CDH23: variants seen among roughly 807,000 people sequenced by gnomAD.
CDH23 encodes the protein cadherin related 23, also known as cadherin-23.
In CDH23, 189 loss-of-function variants were observed where a neutral mutation model predicts 317.1. The ratio of observed to expected loss-of-function variants is 0.60; its 90% CI spans 0.53 to 0.67. The LOEUF is 0.67. Ranked by LOEUF, CDH23 falls within the 30% of genes least tolerant of loss-of-function variation. The pLI, the probability that CDH23 is intolerant of heterozygous loss-of-function variation, is 0.00. For missense variants in CDH23, 4,401 were observed against 4,592.4 expected (o/e 0.96, Z 1.20); for synonymous variants, 1,839 against 1,876.8 (o/e 0.98, Z 0.52).
At position 71,812,754 on chromosome 10, in the gene CDH23, T is replaced by A; in HGVS notation, c.9511-14T>A. 1.2e-6 allele frequency: 2 copies of A among 1,612,996 alleles called. No homozygotes were observed. Among genetic ancestry groups the A allele is most frequent in the Non-Finnish European group, 1.7e-6 (2 of 1,179,478 alleles). On this transcript the variant is annotated splice_polypyrimidine_tract_variant and intron_variant, in intron 67 of 69. Transcript: ENST00000224721. Reference sequence around the variant, plus strand: ...GGGTCTGCCTCTGCTCCAGCTAACATCCCCTCTCCCCAGGGAACTTTTGGG... The same window carrying A: ...GGGTCTGCCTCTGCTCCAGCTAACAACCCCTCTCCCCAGGGAACTTTTGGG...
At chr10:71,430,535 A>C (rs533747138) in intron 1 of CDH23, among the ~76,000 whole-genome samples, 2 of 152,330 alleles carry the variant, frequency 1.3e-5, no homozygotes, top group Admixed American at 1.3e-4. Flanking sequence ...TAGGCCGGGC[A>C]CAGTGGCTCA....
chr10:71,593,530 T>C (rs1288422813), intron 9 of CDH23, among the ~76,000 whole-genome samples: 1 of 152,078 alleles, frequency 6.6e-6, no homozygotes. Flanking sequence ...GCAAATGATA[T>C]ATGGGGAAAT....
At chr10:71,710,130 C>T (rs147121327) in intron 27 of CDH23, among the ~76,000 whole-genome samples, 291 of 152,306 alleles carry the variant, frequency 1.9e-3, no homozygotes, top group Non-Finnish European at 3.4e-3. Flanking sequence ...TGGGTGGGGA[C>T]GCAAAGCCAA....
At chr10:71,730,092 C>T (rs1175895894) in intron 30 of CDH23, among the ~76,000 whole-genome samples, 1 of 152,192 alleles carries the variant, frequency 6.6e-6, no homozygotes, top group African/African-American at 2.4e-5. Context: ...CCTCGGCCTC[C>T]CAAAGTGCTG....
chr10:71,482,959 G>C (rs1259816053), intron 3 of CDH23, among the ~76,000 whole-genome samples: 7 of 152,216 alleles, frequency 4.6e-5, no homozygotes, highest in African/African-American at 1.7e-4. Context: ...TAAATCTCCA[G>C]CAGGAATTGA....
rs373709237 is a variant in CDH23 at position 71,809,974 on chromosome 10, C to A, written c.8877C>A (p.Ile2959=). Residue 2959 remains isoleucine (I), a synonymous_variant, in exon 61 of 70, where the codon ATC becomes ATA. Coordinates refer to ENST00000224721, the MANE Select transcript of CDH23 (RefSeq NM_022124.6). ...TGAGGGACGACCAGCGCGTCAAGAT[C>A]GTCATTAACGAGATCCCCGACCGTG... is the stretch of plus-strand genomic sequence containing the variant. ...YILRDDQRVK[I]VINEIPDRVR... 1 of 1,612,216 alleles carries A rather than the reference C, an allele frequency of 6.2e-7. No homozygotes were observed. Among genetic ancestry groups the A allele is most frequent in the Non-Finnish European group, 8.5e-7 (1 of 1,179,880 alleles).
chr10:71,407,495 G>A (rs1263782508), intron 1 of CDH23, among the ~76,000 whole-genome samples: 1 of 152,172 alleles, frequency 6.6e-6, no homozygotes, highest in African/African-American at 2.4e-5. Flanking sequence ...ATCTGGGAAG[G>A]CCATGTATGT....
At chr10:71,600,978 A>G (rs1384820867) in intron 9 of CDH23, among the ~76,000 whole-genome samples, 1 of 152,106 alleles carries the variant, frequency 6.6e-6, no homozygotes, top group Admixed American at 6.5e-5. Context: ...ACTCACTCGA[A>G]CCCAAGATGT....
chr10:71,759,898 CAT>C lies in CDH23; in HGVS notation c.4846-17776_4846-17775del, dbSNP rs1365274288. Among the ~76,000 whole-genome samples the C allele has an allele frequency of 1.4e-4, 7 of 50,722 alleles. 1 individual carries two copies. Among genetic ancestry groups the C allele is most frequent in the East Asian group, 1.3e-3 (2 of 1,490 alleles). The allele number at this position is 50,722 out of a possible 152,430, so 33.3% of individuals were successfully genotyped here. A position where few individuals can be genotyped will look rare whatever the true frequency, so the allele number is the denominator to read the frequency against. On this transcript the variant is annotated intron_variant, in intron 38 of 69. Transcript: ENST00000224721. ...ACACACACACACATATACACACACA[CAT>C]ATATACACACACACATATATACACA...
chr10:71,741,143 T>C (rs1412263632), intron 37 of CDH23, among the ~76,000 whole-genome samples, 193 bp downstream of exon 37: 5 of 151,962 alleles, frequency 3.3e-5, no homozygotes, highest in Admixed American at 3.3e-4. Flanking sequence ...CTTTTTGGAG[T>C]AGAGGAGAAG....
chr10:71,728,900 T>A (rs1866933162), intron 30 of CDH23, among the ~76,000 whole-genome samples: 1 of 152,146 alleles, frequency 6.6e-6, no homozygotes, highest in Non-Finnish European at 1.5e-5. Context: ...CTCATTATGT[T>A]GCCCAGGCTG....
intron 3 of CDH23, among the ~76,000 whole-genome samples, chr10:71,455,404 G>A (rs994892339): frequency 1.3e-5 from 2 of 151,818 alleles, no homozygotes; most frequent in Non-Finnish European, 2.9e-5. Context: ...TTTAAGCTGT[G>A]GAACTGTTTG....
intron 14 of CDH23, among the ~76,000 whole-genome samples, chr10:71,662,199 A>T: frequency 6.6e-6 from 1 of 152,078 alleles, no homozygotes; most frequent in Non-Finnish European, 1.5e-5. Flanking sequence ...AATCTATCAG[A>T]TGTGTGGCTT....
intron 14 of CDH23, among the ~76,000 whole-genome samples, chr10:71,652,531 G>A (rs982952672): frequency 5.9e-5 from 9 of 152,158 alleles, no homozygotes; most frequent in South Asian, 4.1e-4. Flanking sequence ...CCAGCCCTTC[G>A]GCCTGTGGAC....
intron 1 of CDH23, among the ~76,000 whole-genome samples, chr10:71,414,095 GT>G (rs552855399): frequency 6.7e-6 from 1 of 148,610 alleles, no homozygotes; most frequent in African/African-American, 2.5e-5. Context: ...AATTGTTAGA[GT>G]TTTTTGCATG....
At chr10:71,469,421 C>G (rs1025366706) in intron 3 of CDH23, among the ~76,000 whole-genome samples, 3 of 152,182 alleles carry the variant, frequency 2.0e-5, no homozygotes, top group Non-Finnish European at 4.4e-5. Flanking sequence ...CTGTCTTCTT[C>G]CACTTAGCGT....
intron 30 of CDH23, among the ~76,000 whole-genome samples, chr10:71,727,449 G>A (rs898072683): frequency 1.3e-5 from 2 of 152,342 alleles, no homozygotes; most frequent in South Asian, 2.1e-4. Flanking sequence ...CATGAGACCC[G>A]GGAGAGCTGG....
intron 1 of CDH23, among the ~76,000 whole-genome samples, chr10:71,406,607 C>T (rs1293914379): frequency 6.6e-6 from 1 of 152,154 alleles, no homozygotes; most frequent in Non-Finnish European, 1.5e-5. Flanking sequence ...AGCAGCAGTA[C>T]AGAACAGCTT....
intron 9 of CDH23, among the ~76,000 whole-genome samples, chr10:71,609,146 G>A (rs996781185): frequency 6.6e-6 from 1 of 152,000 alleles, no homozygotes; most frequent in Non-Finnish European, 1.5e-5. Flanking sequence ...GCGTGAAGGG[G>A]GGTAGCCTTC....
Sources: allele counts gnomAD v4.1 joint callset (sites outside exome capture counted in the v4.1 genomes callset), GRCh38; gene constraint gnomAD v4.1.1; transcripts MANE v1.5; gene names NCBI Gene and HGNC (gene_info 2026-07-23, HGNC 2026-07-21).